Variants in HMCN1 observed in about 807,000 individuals in gnomAD.
HMCN1 encodes hemicentin-1.
A neutral mutation model predicts 625.9 loss-of-function variants in HMCN1; 321 were observed. The observed-to-expected ratio is 0.51, with a 90% CI of 0.47 to 0.56. The LOEUF (loss-of-function observed/expected upper bound fraction) is 0.56. Among genes scored for constraint, HMCN1 ranks in the 20% least tolerant of loss-of-function variants. The pLI is 0.00. For synonymous variants in HMCN1, 2,425 were observed against 2,417.6 expected (o/e 1.00, Z -0.09); for missense variants, 6,588 against 6,887.3 (o/e 0.96, Z 1.54).
At chr1:186,109,814 T>C (rs909616981) in intron 71 of HMCN1, among the ~76,000 whole-genome samples, 11 of 152,232 alleles carry the variant, frequency 7.2e-5, no homozygotes, top group African/African-American at 2.7e-4. Flanking sequence ...AAATCTTTGA[T>C]GGTTCCCCAT....
intron 4 of HMCN1, among the ~76,000 whole-genome samples, chr1:185,907,257 T>C (rs1320606632): frequency 6.6e-6 from 1 of 152,020 alleles, no homozygotes; most frequent in Non-Finnish European, 1.5e-5. Flanking sequence ...AGGAAATACA[T>C]CATTTGATTT....
In HMCN1 at chr1:185,923,516, G is replaced by A. The variant is rs765695227; in HGVS notation, c.1148G>A (p.Arg383Gln). The A allele has an allele frequency of 3.2e-5, 51 of 1,612,326 alleles. No individual in the cohort carries two copies. The highest frequency in any genetic ancestry group is 3.9e-5 in the Non-Finnish European group (46 of 1,179,068). The change falls in exon 8 of 107, where the codon CGA becomes CAA. Residue 383 changes from arginine to glutamine, a missense_variant. Physicochemically the swap from Arg to Gln is conservative, Grantham distance 43. Transcript: ENST00000271588. Reference protein sequence around the residue: ...KTIPVKYYPHRKPYGIWNISD... With the variant: ...KTIPVKYYPHQKPYGIWNISD... Reference sequence around the variant, plus strand: ...ATTCCTGTTAAATATTACCCACATCGAAAACCTTATGGCATATGGAATATT... The same window carrying A: ...ATTCCTGTTAAATATTACCCACATCAAAAACCTTATGGCATATGGAATATT...
At chr1:186,157,361 C>A (rs1446514946) in intron 97 of HMCN1, among the ~76,000 whole-genome samples, 1 of 151,930 alleles carries the variant, frequency 6.6e-6, no homozygotes, top group Non-Finnish European at 1.5e-5. Flanking sequence ...ATATGAAAAT[C>A]AATAAAAGGA....
rs1661023343 is a variant in HMCN1, at chr1:186,114,275, G to T, written c.11276+152G>T. 5.4e-6 allele frequency: 5 copies of T among 922,454 alleles called. No homozygotes were observed. The South Asian group carries it at 7.6e-5, about 14-fold the overall frequency. 57.1% of individuals were successfully genotyped at this position (922,454 alleles called of 1,614,324 possible). A position where few individuals can be genotyped will look rare whatever the true frequency, so the allele number is the denominator to read the frequency against. ...AAATTTAGTATTTTATTATTTTTCT[G>T]AGACAGAGTCTTGCTCTGTTGCCCA... On this transcript the variant is annotated intron_variant, in intron 73 of 106. Transcript: ENST00000271588.
At chr1:185,921,731 A>G (rs1359480793) in intron 6 of HMCN1, among the ~76,000 whole-genome samples, 1 of 152,212 alleles carries the variant, frequency 6.6e-6, no homozygotes, top group Non-Finnish European at 1.5e-5. Flanking sequence ...TAATAAAATA[A>G]TGGTGAACTC....
intron 41 of HMCN1, among the ~76,000 whole-genome samples, chr1:186,048,164 G>T (rs897595068): frequency 6.6e-6 from 1 of 152,034 alleles, no homozygotes; most frequent in Non-Finnish European, 1.5e-5. Context: ...CCTAGCACAA[G>T]GGTTGTAATA....
intron 4 of HMCN1, among the ~76,000 whole-genome samples, chr1:185,877,321 C>CTTTTTTTTTTTTTTTTT (rs71557837): frequency 2.9e-5 from 1 of 34,908 alleles, no homozygotes; most frequent in Non-Finnish European, 5.3e-5. Flanking sequence ...ATGTGTCTTT[C>CTTTTTTTTTTTTTTTTT]TTTTTTTTTT....
chr1:185,807,701 C>T (rs1461660955), intron 1 of HMCN1, among the ~76,000 whole-genome samples: 1 of 152,090 alleles, frequency 6.6e-6, no homozygotes, highest in South Asian at 2.1e-4. Context: ...GCATTCTTGT[C>T]TTTAGTATCA....
intron 2 of HMCN1, among the ~76,000 whole-genome samples, chr1:185,856,538 G>A (rs536517998): frequency 5.6e-4 from 84 of 150,858 alleles, no homozygotes; most frequent in Non-Finnish European, 1.1e-3. Context: ...AAACTGAGTT[G>A]CATACCTAAA....
chr1:186,126,781 A>G (rs1301381348), intron 82 of HMCN1, among the ~76,000 whole-genome samples: 1 of 152,196 alleles, frequency 6.6e-6, no homozygotes, highest in Non-Finnish European at 1.5e-5. Flanking sequence ...CTTACAGGTC[A>G]TTGTAACAAT....
At chr1:185,785,087 G>T (rs1051722149) in intron 1 of HMCN1, among the ~76,000 whole-genome samples, 2 of 152,076 alleles carry the variant, frequency 1.3e-5, no homozygotes, top group African/African-American at 4.8e-5. Flanking sequence ...TCATGTTAAT[G>T]AACATTTTGA....
rs1258317810 is a variant in HMCN1 at position 185,808,263 on chromosome 1, C to G, written c.269-37763C>G. 3.9e-5 allele frequency among the ~76,000 whole-genome samples: 6 copies of G among 152,222 alleles called. No individual in the cohort carries two copies. The East Asian group carries it at 1.2e-3, about 29-fold the overall frequency. ...TTGGGGCACTGCGGCACGAGAATCC[C>G]TTGAACCTCAGAAGCAGAGGTTGCA... On this transcript the variant is annotated intron_variant, in intron 1 of 106. Coordinates refer to ENST00000271588, the MANE Select transcript of HMCN1 (RefSeq NM_031935.3).
intron 6 of HMCN1, among the ~76,000 whole-genome samples, chr1:185,921,479 A>G (rs1437808725): frequency 6.6e-6 from 1 of 152,200 alleles, no homozygotes; most frequent in African/African-American, 2.4e-5. Flanking sequence ...TGTCCACCAG[A>G]TTAAAATGTA....
intron 11 of HMCN1, among the ~76,000 whole-genome samples, chr1:185,946,080 G>A (rs866418617): frequency 6.6e-6 from 1 of 152,328 alleles, no homozygotes; most frequent in African/African-American, 2.4e-5. Context: ...AGGAAGAAGT[G>A]TGGGAGTCAG....
intron 1 of HMCN1, among the ~76,000 whole-genome samples, chr1:185,829,242 A>C (rs1463979599): frequency 6.6e-6 from 1 of 152,050 alleles, no homozygotes; most frequent in African/African-American, 2.4e-5. Flanking sequence ...AAGCCTGGGC[A>C]TGGTGGCTCA....
At chr1:185,767,757 G>A (rs1655964750) in intron 1 of HMCN1, among the ~76,000 whole-genome samples, 1 of 152,052 alleles carries the variant, frequency 6.6e-6, no homozygotes, top group South Asian at 2.1e-4. Flanking sequence ...TTTGCCAGCA[G>A]GCATAATAGA....
chr1:186,048,936 A>C, intron 42 of HMCN1, 97 bp downstream of exon 42: 1 of 749,166 alleles, frequency 1.3e-6, no homozygotes, highest in Non-Finnish European at 2.4e-6. Flanking sequence ...TGATTATAAT[A>C]GGTAGATGAA....
chr1:185,792,707 C>T (rs1830622), intron 1 of HMCN1, among the ~76,000 whole-genome samples: 13,721 of 152,104 alleles, frequency 0.09, 1,997 homozygotes, highest in African/African-American at 0.31. Context: ...GAGGAGTTTC[C>T]AGTTAGCTCA....
At chr1:186,079,970 A>T (rs996341733) in intron 55 of HMCN1, among the ~76,000 whole-genome samples, 3 of 152,110 alleles carry the variant, frequency 2.0e-5, no homozygotes, top group Non-Finnish European at 2.9e-5. Flanking sequence ...GGAAGCAAAG[A>T]GCTGAGGTGG....
Sources: allele counts gnomAD v4.1 joint callset (sites outside exome capture counted in the v4.1 genomes callset), GRCh38; gene constraint gnomAD v4.1.1; transcripts MANE v1.5; gene names NCBI Gene and HGNC (gene_info 2026-07-23, HGNC 2026-07-21).